Variants in ZMAT4 observed in about 807,000 individuals in gnomAD.
ZMAT4 encodes the protein zinc finger matrin-type protein 4.
In ZMAT4, 17 loss-of-function variants were observed where a neutral mutation model predicts 28.7. That is an observed-to-expected ratio of 0.59 (90% CI 0.41 to 0.89). ZMAT4 has a LOEUF of 0.89. ZMAT4 is among the 40% of genes least tolerant of loss of function. The pLI, the probability that ZMAT4 is intolerant of heterozygous loss-of-function variation, is 0.00. For missense variants in ZMAT4, 240 were observed against 283.8 expected (o/e 0.85, Z 1.11); for synonymous variants, 117 against 109.2 (o/e 1.07, Z -0.44).
At chr8:40,613,158 T>A (rs1328925753) in intron 5 of ZMAT4, among the ~76,000 whole-genome samples, 5 of 129,754 alleles carry the variant, frequency 3.9e-5, no homozygotes, top group African/African-American at 1.5e-4. Flanking sequence ...TACCCTTTCT[T>A]TCTTTCTTTC....
At chr8:40,745,311 G>A (rs1198983817) in intron 3 of ZMAT4, among the ~76,000 whole-genome samples, 1 of 150,364 alleles carries the variant, frequency 6.7e-6, no homozygotes, top group African/African-American at 2.4e-5. Flanking sequence ...TAGACTGAAA[G>A]CACCCCAAAG....
intron 1 of ZMAT4, among the ~76,000 whole-genome samples, chr8:40,889,683 A>G (rs114059812): frequency 0.012 from 1,762 of 152,218 alleles, 32 homozygotes; most frequent in African/African-American, 0.04. Context: ...GCATTTTCCC[A>G]TATTCTTATG....
chr8:40,626,354 A>G (rs909707792), intron 5 of ZMAT4, among the ~76,000 whole-genome samples: 1 of 152,200 alleles, frequency 6.6e-6, no homozygotes, highest in Admixed American at 6.5e-5. Flanking sequence ...TAGCTTAGTA[A>G]GATGAGGGTT....
intron 3 of ZMAT4, among the ~76,000 whole-genome samples, chr8:40,730,507 C>G (rs543286288): frequency 6.6e-6 from 1 of 152,326 alleles, no homozygotes; most frequent in South Asian, 2.1e-4. Context: ...CCCAATCTAA[C>G]ACATTCACAA....
intron 1 of ZMAT4, among the ~76,000 whole-genome samples, chr8:40,839,970 C>A (rs1816645388): frequency 6.6e-6 from 1 of 152,208 alleles, no homozygotes. Context: ...GCAGTAATTC[C>A]TATTTCCCAC....
intron 2 of ZMAT4, among the ~76,000 whole-genome samples, chr8:40,807,399 G>T (rs1159865335): frequency 2.6e-5 from 4 of 152,154 alleles, no homozygotes; most frequent in Admixed American, 2.6e-4. Context: ...AGCTGAGATT[G>T]TGCCACTGTA....
Position 40,782,380 on chromosome 8 carries a change from G to A in ZMAT4, c.103-14650C>T, listed in dbSNP as rs372988497. Among the ~76,000 whole-genome samples the A allele has an allele frequency of 8.6e-4, 131 of 151,760 alleles. No homozygotes were observed. In the South Asian group the frequency reaches 0.022, roughly 25 times the overall value. ...CAGCCTGGTGATAGAGCAAGACTCC[G>A]TCTCGAAAACAAGCAAACAAACAAA... On this transcript the variant is annotated intron_variant, in intron 2 of 6. Coordinates refer to ENST00000297737, the MANE Select transcript of ZMAT4 (RefSeq NM_024645.3).
intron 1 of ZMAT4, among the ~76,000 whole-genome samples, chr8:40,847,834 T>A (rs1816963395): frequency 6.6e-6 from 1 of 152,164 alleles, no homozygotes. Flanking sequence ...CCCTGCTTAA[T>A]CAAACCGATG....
intron 5 of ZMAT4, among the ~76,000 whole-genome samples, chr8:40,630,497 A>C (rs1013384083): frequency 6.6e-6 from 1 of 152,252 alleles, no homozygotes; most frequent in Non-Finnish European, 1.5e-5. Context: ...TGGGGAACTT[A>C]GAATTTAAGC....
chr8:40,715,738 A>T (rs1810823080), intron 3 of ZMAT4, among the ~76,000 whole-genome samples: 1 of 152,190 alleles, frequency 6.6e-6, no homozygotes, highest in African/African-American at 2.4e-5. Context: ...CATGGGGCAG[A>T]TCTACAGAGA....
chr8:40,696,376 T>C lies in ZMAT4; in HGVS notation c.349+869A>G, dbSNP rs557369267. ...ACAAAATAATTACACCTACAGTTTA[T>C]GCATGATTCATTAGACAGCAGATAA... On this transcript the variant is annotated intron_variant, in intron 4 of 6. Transcript: ENST00000297737. 7.9e-5 allele frequency among the ~76,000 whole-genome samples: 12 copies of C among 152,330 alleles called. No individual in the cohort carries two copies. The East Asian group carries it at 9.6e-4, about 12-fold the overall frequency.
At chr8:40,826,597 A>G (rs577433046) in intron 1 of ZMAT4, among the ~76,000 whole-genome samples, 1 of 152,340 alleles carries the variant, frequency 6.6e-6, no homozygotes, top group Non-Finnish European at 1.5e-5. Flanking sequence ...ATTAAAAAAT[A>G]CAATCAGACT....
chr8:40,781,761 C>CAAAAAAAAAAAAAAAAAAGAAAAAAAA (rs1813838438), intron 2 of ZMAT4, among the ~76,000 whole-genome samples: 1 of 38,522 alleles, frequency 2.6e-5, no homozygotes, highest in Non-Finnish European at 5.6e-5. Context: ...GACTCCGTCT[C>CAAAAAAAAAAAAAAAAAAGAAAAAAAA]AAAAAAAAAA....
chr8:40,651,339 A>G (rs1319581267), intron 5 of ZMAT4, among the ~76,000 whole-genome samples: 1 of 152,222 alleles, frequency 6.6e-6, no homozygotes, highest in African/African-American at 2.4e-5. Flanking sequence ...TGCTTTAAAG[A>G]GAATAAAATA....
Position 40,758,098 on chromosome 8 carries a change from T to A in ZMAT4, c.192+9543A>T, listed in dbSNP as rs140919544. ...AGGTCTCGGGACTTGGACTGGCTTC[T>A]TTTTTCCTCAGCTTGCAGGCGGCCT... On this transcript the variant is annotated intron_variant, in intron 3 of 6. Transcript: ENST00000297737. 2.0e-5 allele frequency among the ~76,000 whole-genome samples: 3 copies of A among 152,174 alleles called. No individual in the cohort carries two copies. In the East Asian group the frequency reaches 5.8e-4, roughly 29 times the overall value.
chr8:40,656,416 A>C (rs1392314791), intron 5 of ZMAT4, among the ~76,000 whole-genome samples: 6 of 152,132 alleles, frequency 3.9e-5, no homozygotes, highest in Non-Finnish European at 8.8e-5. Context: ...TAGGGTTATC[A>C]TATGACCCAG....
At chr8:40,679,362 T>G (rs2150477466) in intron 4 of ZMAT4, among the ~76,000 whole-genome samples, 1 of 152,316 alleles carries the variant, frequency 6.6e-6, no homozygotes, top group East Asian at 1.9e-4. Context: ...TATTAGTCTG[T>G]TCTCACCCTA....
intron 3 of ZMAT4, among the ~76,000 whole-genome samples, chr8:40,721,031 G>A (rs1203901213): frequency 6.6e-6 from 1 of 150,942 alleles, no homozygotes; most frequent in Non-Finnish European, 1.5e-5. Context: ...ACATTGTGCA[G>A]GTTAGTTACA....
intron 5 of ZMAT4, among the ~76,000 whole-genome samples, chr8:40,647,246 G>C (rs953490282): frequency 6.6e-6 from 1 of 152,192 alleles, no homozygotes; most frequent in African/African-American, 2.4e-5. Context: ...AGCAGGGCGA[G>C]GCATTGCCTC....
Sources: gnomAD v4.1 joint callset for allele counts (sites outside exome capture counted in the v4.1 genomes callset) on GRCh38, gnomAD v4.1.1 for gene constraint, MANE v1.5 for transcripts, NCBI Gene and HGNC (gene_info 2026-07-23, HGNC 2026-07-21) for gene names.